Variants in SFI1 observed in about 807,000 individuals in gnomAD.
SFI1 encodes the protein SFI1 centrin binding protein.
SFI1 carries 195 observed loss-of-function variants against 207.5 expected under a neutral mutation model. The observed-to-expected ratio is 0.94, with a 90% CI of 0.84 to 1.06. The LOEUF is 1.06. Ranked by LOEUF, SFI1 falls within the 50% of genes least tolerant of loss-of-function variation. SFI1 has a pLI of 0.00. For synonymous variants in SFI1, 630 were observed against 598.9 expected (o/e 1.05, Z -0.76); for missense variants, 1,634 against 1,588.0 (o/e 1.03, Z -0.49).
rs1226552803 is a variant in SFI1, at chr22:31,528,803, T to C, written c.206T>C (p.Val69Ala). Residue 69 changes from valine (V) to alanine (A), a missense_variant, in exon 3 of 33, where the codon GTG (valine) becomes GCG (alanine). Val to Ala is a moderately conservative substitution (Grantham distance 64, BLOSUM62 0). Transcript: ENST00000400288. ...GAGTTACCTAGTACCAGTCATCTAGTGCAGTATCGTGGCACACATACTTGT... is the reference window on the plus strand; with the variant it reads ...GAGTTACCTAGTACCAGTCATCTAGCGCAGTATCGTGGCACACATACTTGT... ...RRELPSTSHL[V>A]QYRGTHTCTR... is the part of the protein sequence containing the mutation. The C allele has an allele frequency of 1.9e-6, 3 of 1,614,174 alleles. No homozygotes were observed. Among genetic ancestry groups the C allele is most frequent in the Admixed American group, 1.7e-5 (1 of 60,010 alleles).
At chr22:31,506,140 C>T (rs1184424012) in intron 1 of SFI1, among the ~76,000 whole-genome samples, 2 of 149,786 alleles carry the variant, frequency 1.3e-5, no homozygotes, top group Middle Eastern at 3.2e-3. Flanking sequence ...ACCTGCCTCA[C>T]GGGTTCAAGT....
intron 20 of SFI1, 198 bp from the exon 21 acceptor site, chr22:31,606,130 C>T: frequency 1.7e-6 from 1 of 584,384 alleles, no homozygotes; most frequent in Non-Finnish European, 3.1e-6. Flanking sequence ...ACTCTTGGTG[C>T]CCAGCCCAGA....
chr22:31,540,801 C>T (rs916002059), intron 4 of SFI1, among the ~76,000 whole-genome samples: 2 of 150,856 alleles, frequency 1.3e-5, no homozygotes, highest in African/African-American at 2.4e-5. Context: ...AGGCCGGTCT[C>T]GGACTGCCCT....
chr22:31,511,464 G>GGTTT (rs2055506436), intron 2 of SFI1, among the ~76,000 whole-genome samples: 1 of 114,558 alleles, frequency 8.7e-6, no homozygotes, highest in Non-Finnish European at 1.7e-5. Flanking sequence ...CATAGTTTCT[G>GGTTT]TTTTTTTTTT....
intron 2 of SFI1, among the ~76,000 whole-genome samples, chr22:31,512,458 T>C (rs968708888): frequency 4.1e-4 from 59 of 142,224 alleles, no homozygotes; most frequent in African/African-American, 1.3e-3. Context: ...TTTTATATAT[T>C]GACAAATTAT....
intron 2 of SFI1, among the ~76,000 whole-genome samples, chr22:31,519,918 T>C (rs980135365): frequency 4.6e-5 from 7 of 151,538 alleles, no homozygotes; most frequent in Non-Finnish European, 7.4e-5. Context: ...TGAGACTGGG[T>C]TATGACACTG....
At position 31,593,328 on chromosome 22, in the gene SFI1, C is replaced by T. The variant is rs1399126396; in HGVS notation, c.1544+3751C>T. Among the ~76,000 whole-genome samples, 441 of 136,214 alleles carry T rather than the reference C, an allele frequency of 3.2e-3. 1 individual carries two copies. Among genetic ancestry groups the T allele is most frequent in the African/African-American group, 0.011 (398 of 35,680 alleles). 89.4% of individuals were successfully genotyped at this position (136,214 alleles called of 152,430 possible). A position where few individuals can be genotyped will look rare whatever the true frequency, so the allele number is the denominator to read the frequency against. On this transcript the variant is annotated intron_variant, in intron 15 of 32. Transcript: ENST00000400288. Reference sequence around the variant, plus strand: ...CTCACCTCCCAGACGGGGTCTCGGCCGGGCAGAGGCGCTCCTCACATCCCA... The same window carrying T: ...CTCACCTCCCAGACGGGGTCTCGGCTGGGCAGAGGCGCTCCTCACATCCCA...
At chr22:31,572,975 G>C in intron 8 of SFI1, 83 bp from the exon 9 acceptor site, 1 of 1,406,704 alleles carries the variant, frequency 7.1e-7, no homozygotes, top group Non-Finnish European at 9.8e-7. Flanking sequence ...CAGCGTGTGT[G>C]CCTTTCTCTT....
In SFI1 at chr22:31,604,861, C is replaced by T. The variant is rs1181540028; in HGVS notation, c.1978-8C>T. The T allele has an allele frequency of 6.2e-7, 1 of 1,610,578 alleles. No individual in the cohort carries two copies. Among genetic ancestry groups the T allele is most frequent in the African/African-American group, 1.3e-5 (1 of 74,728 alleles). On this transcript the variant is annotated splice_polypyrimidine_tract_variant and splice_region_variant and intron_variant, in intron 19 of 32. Transcript: ENST00000400288. ...AAGAGCAGCCTCAGTCTTCCTTGTC[C>T]CCTACAGACTTACCAGGGCAGGGTG...
chr22:31,557,099 T>A (rs746261279), intron 7 of SFI1, 40 bp downstream of exon 7: 3 of 1,256,302 alleles, frequency 2.4e-6, no homozygotes, highest in Non-Finnish European at 2.3e-6. Flanking sequence ...CCAGCCATCA[T>A]TTTACCTCAT....
intron 4 of SFI1, among the ~76,000 whole-genome samples, chr22:31,544,674 G>A (rs1188934114): frequency 6.6e-6 from 1 of 152,030 alleles, no homozygotes; most frequent in Non-Finnish European, 1.5e-5. Flanking sequence ...AGGATCACTT[G>A]AGCCTGGGAT....
rs5994411 is a variant in SFI1, at chr22:31,596,160, C to T, written c.1545-6052C>T. ...CCCAGCTACTCCGGAGGCTGAGGCA[C>T]AAGAATCACTTTAACCCAGGAGGCA... is the stretch of plus-strand genomic sequence containing the variant. On this transcript the variant is annotated intron_variant, in intron 15 of 32. Transcript: ENST00000400288. 6.1e-3 allele frequency among the ~76,000 whole-genome samples: 929 copies of T among 152,114 alleles called. 5 individuals are homozygous for T. The highest frequency in any genetic ancestry group is 0.02 in the African/African-American group (814 of 41,512).
chr22:31,550,206 C>T (rs769613244), intron 5 of SFI1, 48 bp from the exon 6 acceptor site: 34 of 1,517,184 alleles, frequency 2.2e-5, no homozygotes, highest in Middle Eastern at 1.7e-4. Context: ...CCACCGCGCC[C>T]GGCCTGTTAT....
rs750239878 is a variant in SFI1, at chr22:31,556,943, T to C, written c.546T>C (p.Asp182=). Residue 182 remains aspartate (D), a splice_region_variant and synonymous_variant, in exon 7 of 33, where the codon GAT becomes GAC. Transcript: ENST00000400288. ...GAAAAATCTCTTTGGTGAATCTAGA[T>C]GCAAAGCAAAAGATGCGACAGGCCT... The part of the protein sequence containing the change: ...RNKYIRAEVH[D]AKQKMRQAWK... 6.9e-6 allele frequency: 11 copies of C among 1,598,174 alleles called. No homozygotes were observed. Among genetic ancestry groups the C allele is most frequent in the Non-Finnish European group, 9.4e-6 (11 of 1,171,156 alleles).
intron 32 of SFI1, 38 bp downstream of exon 32, chr22:31,618,264 G>T (rs56219558): frequency 4.3e-4 from 686 of 1,599,696 alleles, no homozygotes; most frequent in Middle Eastern, 1.2e-3. Context: ...CCCTGGGGAC[G>T]CCCCGGGCTG....
chr22:31,590,060 G>A (rs2065632610), intron 15 of SFI1, among the ~76,000 whole-genome samples: 1 of 151,762 alleles, frequency 6.6e-6, no homozygotes, highest in Non-Finnish European at 1.5e-5. Context: ...GGCAGGAGAA[G>A]ATGAGATGAG....
intron 1 of SFI1, among the ~76,000 whole-genome samples, chr22:31,506,139 A>T (rs1178041640): frequency 6.9e-6 from 1 of 144,044 alleles, no homozygotes; most frequent in Non-Finnish European, 1.5e-5. Flanking sequence ...AACCTGCCTC[A>T]CGGGTTCAAG....
rs1213121500 is a variant in SFI1 at position 31,546,862 on chromosome 22, T to C, written c.340T>C (p.Phe114Leu). ...TATATGATTTTTTTTTTGCCGTAGA[T>C]TTTACTATGAGCAGCGATTACTACG... ...FGRVFPSKAR[F>L]YYEQRLLRKV... Residue 114 changes from phenylalanine to leucine, a missense_variant and splice_region_variant, in exon 5 of 33, where the codon TTT becomes CTT. Physicochemically the swap from Phe to Leu is conservative, Grantham distance 22. Coordinates refer to ENST00000400288, the MANE Select transcript of SFI1 (RefSeq NM_001007467.3). 6.3e-7 allele frequency: 1 copy of C among 1,592,544 alleles called. No individual in the cohort carries two copies. Among genetic ancestry groups the C allele is most frequent in the Non-Finnish European group, 8.6e-7 (1 of 1,168,438 alleles).
intron 7 of SFI1, among the ~76,000 whole-genome samples, chr22:31,560,896 T>G (rs1656844872): frequency 6.6e-6 from 1 of 152,058 alleles, no homozygotes; most frequent in South Asian, 2.1e-4. Context: ...GAGACAGGGT[T>G]TCACTGTGTT....
Sources: gnomAD v4.1 joint callset for allele counts (sites outside exome capture counted in the v4.1 genomes callset) on GRCh38, gnomAD v4.1.1 for gene constraint, MANE v1.5 for transcripts, NCBI Gene and HGNC (gene_info 2026-07-23, HGNC 2026-07-21) for gene names.